The following FGF12 variants were observed in gnomAD, a reference collection of about 807,000 sequenced individuals.
FGF12 encodes the protein fibroblast growth factor 12, also known as fibroblast growth factor 12B.
FGF12 carries 14 observed loss-of-function variants against 23.6 expected under a neutral mutation model. The observed-to-expected ratio is 0.59, with a 90% confidence interval of 0.39 to 0.93. The LOEUF is 0.93. Ranked by LOEUF, FGF12 falls within the 40% of genes least tolerant of loss-of-function variation. The probability of loss-of-function intolerance (pLI) is 0.00; values close to 1 mark genes in which losing one functional copy is unlikely to be tolerated. For synonymous variants in FGF12, 62 were observed against 77.3 expected (o/e 0.80, Z 1.04); for missense variants, 175 against 217.8 (o/e 0.80, Z 1.24).
Position 192,441,697 on chromosome 3 carries a change from G to A in FGF12, c.14-81159C>T, listed in dbSNP as rs924321115. 6.6e-5 allele frequency among the ~76,000 whole-genome samples: 10 copies of A among 152,184 alleles called. 1 individual carries two copies. Among genetic ancestry groups the A allele is most frequent in the African/African-American group, 2.4e-4 (10 of 41,442 alleles). ...TTATTTTCTTCTTGTCCAAGAGATA[G>A]CAAGAGAAATTCCACTTTAGGAAAC... On this transcript the variant is annotated intron_variant, in intron 2 of 5. Transcript: ENST00000445105.
chr3:192,156,534 G>T (rs973133110), intron 5 of FGF12, among the ~76,000 whole-genome samples: 2 of 149,388 alleles, frequency 1.3e-5, no homozygotes, highest in Admixed American at 6.6e-5. Flanking sequence ...GTGTCCTAAA[G>T]ATGCAAGGCC....
intron 2 of FGF12, among the ~76,000 whole-genome samples, chr3:192,549,609 A>T (rs1262865299): frequency 6.6e-6 from 1 of 152,118 alleles, no homozygotes; most frequent in African/African-American, 2.4e-5. Context: ...TCTGGGTATG[A>T]CTATAGGGTG....
chr3:192,316,250 CA>C (rs1577346870), intron 4 of FGF12, among the ~76,000 whole-genome samples: 2 of 152,010 alleles, frequency 1.3e-5, no homozygotes, highest in Non-Finnish European at 2.9e-5. Context: ...TGCTAAAACG[CA>C]AGAATGAATA....
intron 4 of FGF12, among the ~76,000 whole-genome samples, chr3:192,257,197 C>T (rs1041448729): frequency 9.2e-5 from 14 of 152,138 alleles, no homozygotes; most frequent in African/African-American, 3.4e-4. Flanking sequence ...AAGTACCTTC[C>T]CATATCTTTT....
intron 4 of FGF12, among the ~76,000 whole-genome samples, chr3:192,309,986 A>G (rs1715851241): frequency 1.3e-5 from 2 of 152,214 alleles, no homozygotes; most frequent in African/African-American, 4.8e-5. Context: ...AAGGTGAAGT[A>G]GATATAGAAT....
intron 2 of FGF12, among the ~76,000 whole-genome samples, chr3:192,533,139 C>T (rs1725136850): frequency 6.6e-6 from 1 of 152,208 alleles, no homozygotes. Context: ...TTCACTTCTT[C>T]TTCAAAAGTG....
chr3:192,297,086 C>T (rs1715080564), intron 4 of FGF12, among the ~76,000 whole-genome samples: 1 of 152,086 alleles, frequency 6.6e-6, no homozygotes, highest in Non-Finnish European at 1.5e-5. Context: ...ATCCCTTCTA[C>T]CAGCACATGT....
At chr3:192,713,078 A>G (rs927772257) in intron 2 of FGF12, among the ~76,000 whole-genome samples, 2 of 151,454 alleles carry the variant, frequency 1.3e-5, no homozygotes, top group Non-Finnish European at 2.9e-5. Context: ...TCAACCACAG[A>G]AAAAAAACAA....
chr3:192,413,799 G>A lies in FGF12; in HGVS notation c.14-53261C>T, dbSNP rs148675401. 7.5e-3 allele frequency among the ~76,000 whole-genome samples: 1,139 copies of A among 152,220 alleles called. 4 individuals carry two copies. Among genetic ancestry groups the A allele is most frequent in the Non-Finnish European group, 0.011 (775 of 67,994 alleles). The stretch of plus-strand genomic sequence containing the variant: ...GAGATCAGGCCCCTGACTCAAAGTC[G>A]GGTGAATATGAGCTCACTGGGCTCT... On this transcript the variant is annotated intron_variant, in intron 2 of 5. Transcript: ENST00000445105.
At position 192,441,668 on chromosome 3, in the gene FGF12, T is replaced by C. The variant is rs527777515; in HGVS notation, c.14-81130A>G. Among the ~76,000 whole-genome samples the C allele has an allele frequency of 2.0e-5, 3 of 152,336 alleles. No homozygotes were observed. In the South Asian group the frequency reaches 6.2e-4, roughly 32 times the overall value. ...ACTTAGTTTCACCCCTAAGATTGTCTGGATTATTTTCTTCTTGTCCAAGAG... is the reference window on the plus strand; with the variant it reads ...ACTTAGTTTCACCCCTAAGATTGTCCGGATTATTTTCTTCTTGTCCAAGAG... On this transcript the variant is annotated intron_variant, in intron 2 of 5. Coordinates refer to ENST00000445105, the MANE Select transcript of FGF12 (RefSeq NM_004113.6).
chr3:192,696,328 T>C (rs1718123084), intron 2 of FGF12, among the ~76,000 whole-genome samples: 1 of 152,158 alleles, frequency 6.6e-6, no homozygotes, highest in Admixed American at 6.5e-5. Context: ...TGACTGATGC[T>C]AGCAATTCTT....
chr3:192,618,870 A>G (rs1714863966), intron 2 of FGF12, among the ~76,000 whole-genome samples: 1 of 152,042 alleles, frequency 6.6e-6, no homozygotes, highest in South Asian at 2.1e-4. Flanking sequence ...TAAGTGAGAA[A>G]CACTTGCTAG....
intron 4 of FGF12, among the ~76,000 whole-genome samples, chr3:192,292,932 C>T (rs4687316): frequency 0.42 from 63,818 of 151,846 alleles, 14,335 homozygotes; most frequent in East Asian, 0.94. Flanking sequence ...GCATGTACCA[C>T]TATGTCCAGC....
intron 2 of FGF12, among the ~76,000 whole-genome samples, chr3:192,537,643 G>A (rs1725255748): frequency 6.6e-6 from 1 of 152,022 alleles, no homozygotes; most frequent in Non-Finnish European, 1.5e-5. Flanking sequence ...TCAGATTAAT[G>A]GATTTTTTCC....
At chr3:192,239,726 C>A (rs982469827) in intron 4 of FGF12, among the ~76,000 whole-genome samples, 1 of 152,192 alleles carries the variant, frequency 6.6e-6, no homozygotes, top group Admixed American at 6.5e-5. Flanking sequence ...GCCTGTAAAT[C>A]TGAGATGAAA....
intron 2 of FGF12, among the ~76,000 whole-genome samples, chr3:192,413,276 G>A (rs376378413): frequency 5.9e-5 from 9 of 152,108 alleles, no homozygotes; most frequent in Non-Finnish European, 1.0e-4. Context: ...GTCAGTTACC[G>A]TGAAATTCCA....
intron 4 of FGF12, among the ~76,000 whole-genome samples, chr3:192,271,810 A>T (rs1560044866): frequency 6.6e-6 from 1 of 152,188 alleles, no homozygotes; most frequent in Non-Finnish European, 1.5e-5. Flanking sequence ...TGTCCCAAGG[A>T]AGAGGTAGAG....
chr3:192,459,513 A>C (rs147314159), intron 2 of FGF12, among the ~76,000 whole-genome samples: 4 of 152,328 alleles, frequency 2.6e-5, no homozygotes, highest in African/African-American at 7.2e-5. Context: ...AAAACTGTGA[A>C]TCTTATTTGA....
intron 5 of FGF12, among the ~76,000 whole-genome samples, chr3:192,157,471 C>T (rs1327803247): frequency 6.6e-6 from 1 of 151,954 alleles, no homozygotes; most frequent in African/African-American, 2.4e-5. Context: ...AAAAACAATC[C>T]ATTTTCTCTT....
Sources: gnomAD v4.1 joint callset for allele counts (sites outside exome capture counted in the v4.1 genomes callset) on GRCh38, gnomAD v4.1.1 for gene constraint, MANE v1.5 for transcripts, NCBI Gene and HGNC (gene_info 2026-07-23, HGNC 2026-07-21) for gene names.